WDR72: variants seen among roughly 807,000 people sequenced by gnomAD.
WDR72 encodes the protein WD repeat domain 72.
A neutral mutation model predicts 124.2 loss-of-function variants in WDR72; 120 were observed. That is an observed-to-expected ratio of 0.97 (90% CI 0.83 to 1.12). The LOEUF is 1.12. Among genes scored for constraint, WDR72 ranks in the 50% most tolerant of loss-of-function variants. The pLI, the probability that WDR72 is intolerant of heterozygous loss-of-function variation, is 0.00. For missense variants in WDR72, 1,387 were observed against 1,278.8 expected (o/e 1.08, Z -1.29); for synonymous variants, 452 against 441.7 (o/e 1.02, Z -0.29).
intron 1 of WDR72, among the ~76,000 whole-genome samples, chr15:53,733,826 A>G (rs1022780042): frequency 6.6e-6 from 1 of 152,226 alleles, no homozygotes; most frequent in Non-Finnish European, 1.5e-5. Flanking sequence ...AATGTTATCT[A>G]TGACCACCCA....
At chr15:53,751,260 C>T (rs1175967561) in intron 1 of WDR72, among the ~76,000 whole-genome samples, 3 of 151,164 alleles carry the variant, frequency 2.0e-5, no homozygotes, top group African/African-American at 7.3e-5. Flanking sequence ...AAAGCTTTCA[C>T]AAAAGGAAGA....
Position 53,706,346 on chromosome 15 carries a change from GTGTGTATATATATATATA to G in WDR72, c.955-290_955-273del, listed in dbSNP as rs1469273674. Among the ~76,000 whole-genome samples the G allele has an allele frequency of 4.2e-3, 416 of 98,050 alleles. 3 individuals are homozygous for G. The highest frequency in any genetic ancestry group is 0.013 in the African/African-American group (367 of 27,336). The allele number at this position is 98,050 out of a possible 152,430, so 64.3% of individuals were successfully genotyped here. ...GTTATATGTGCGTGTGTGTGTGTGT[GTGTGTATATATATATATA>G]TATATATATATATATATATATATAT... On this transcript the variant is annotated intron_variant, in intron 9 of 19. Coordinates refer to ENST00000360509, the MANE Select transcript of WDR72 (RefSeq NM_182758.4).
intron 14 of WDR72, among the ~76,000 whole-genome samples, chr15:53,622,975 A>G (rs906377128): frequency 6.6e-6 from 1 of 152,168 alleles, no homozygotes; most frequent in African/African-American, 2.4e-5. Context: ...TTAGGCATAT[A>G]AAGAACTCAC....
intron 1 of WDR72, among the ~76,000 whole-genome samples, chr15:53,743,930 G>A (rs959060460): frequency 3.3e-5 from 5 of 150,868 alleles, no homozygotes; most frequent in Non-Finnish European, 5.9e-5. Context: ...AGCTGAGATC[G>A]CGCCACTGCA....
At chr15:53,565,265 G>T (rs1894254400) in intron 18 of WDR72, among the ~76,000 whole-genome samples, 1 of 151,858 alleles carries the variant, frequency 6.6e-6, no homozygotes, top group Non-Finnish European at 1.5e-5. Context: ...AGTTTAAGAA[G>T]TTGAAAGGAA....
intron 13 of WDR72, among the ~76,000 whole-genome samples, chr15:53,687,246 C>T (rs546653075): frequency 7.4e-5 from 11 of 148,866 alleles, no homozygotes; most frequent in Admixed American, 2.0e-4. Context: ...ACACAAAAAA[C>T]CCTTCAAAAA....
intron 16 of WDR72, among the ~76,000 whole-genome samples, chr15:53,610,972 G>A (rs1389595047): frequency 1.3e-5 from 2 of 152,044 alleles, no homozygotes; most frequent in African/African-American, 2.4e-5. Flanking sequence ...TTAATGTGAT[G>A]TTAAAATTTT....
chr15:53,651,797 T>G (rs1389338032), intron 14 of WDR72, among the ~76,000 whole-genome samples: 2 of 151,968 alleles, frequency 1.3e-5, no homozygotes, highest in Non-Finnish European at 2.9e-5. Flanking sequence ...GGACTAAAGG[T>G]GCGCGACACC....
intron 14 of WDR72, among the ~76,000 whole-genome samples, chr15:53,639,429 A>T (rs1314261170): frequency 6.7e-6 from 1 of 148,588 alleles, no homozygotes; most frequent in Non-Finnish European, 1.5e-5. Flanking sequence ...CCTGGGCAAC[A>T]TAGCAAGACC....
chr15:53,635,789 C>T (rs2014601055), intron 14 of WDR72, among the ~76,000 whole-genome samples: 1 of 152,036 alleles, frequency 6.6e-6, no homozygotes, highest in African/African-American at 2.4e-5. Flanking sequence ...ACCTTAGCAT[C>T]ATGCAATATA....
Position 53,704,967 on chromosome 15 carries a change from G to A in WDR72, c.1348+21C>T, listed in dbSNP as rs200066980. 1,523 of 1,612,698 alleles carry A rather than the reference G, an allele frequency of 9.4e-4. 14 individuals carry two copies. The Middle Eastern group carries it at 0.013, about 14-fold the overall frequency. Reference sequence around the variant, plus strand: ...AGCTTTAGATAAATCAAATAAATAGGGTCAAATAAAATTCAAGGACCTTTT... The same window carrying A: ...AGCTTTAGATAAATCAAATAAATAGAGTCAAATAAAATTCAAGGACCTTTT... On this transcript the variant is annotated intron_variant, in intron 11 of 19. Transcript: ENST00000360509.
chr15:53,527,957 A>C (rs1892220208), intron 18 of WDR72, among the ~76,000 whole-genome samples: 1 of 152,150 alleles, frequency 6.6e-6, no homozygotes, highest in South Asian at 2.1e-4. Context: ...CTATAAAATA[A>C]ACTAAAAGAT....
At chr15:53,531,416 T>C (rs1409567734) in intron 18 of WDR72, among the ~76,000 whole-genome samples, 1 of 152,096 alleles carries the variant, frequency 6.6e-6, no homozygotes, top group African/African-American at 2.4e-5. Flanking sequence ...CACATCTCAA[T>C]GTAGGCACTC....
At chr15:53,720,269 T>C (rs2017839881) in intron 3 of WDR72, among the ~76,000 whole-genome samples, 1 of 152,184 alleles carries the variant, frequency 6.6e-6, no homozygotes, top group Non-Finnish European at 1.5e-5. Context: ...ATCAACATCT[T>C]TACCCACCTC....
Position 53,568,607 on chromosome 15 carries a change from G to A in WDR72, c.3148+28472C>T, listed in dbSNP as rs1362991109. On this transcript the variant is annotated intron_variant, in intron 18 of 19. Coordinates refer to ENST00000360509, the MANE Select transcript of WDR72 (RefSeq NM_182758.4). Reference sequence around the variant, plus strand: ...TGTCACTAAGGTGGTCACTATTGATGTCTTCCATGCTAAGAATTTATTTTT... The same window carrying A: ...TGTCACTAAGGTGGTCACTATTGATATCTTCCATGCTAAGAATTTATTTTT... Among the ~76,000 whole-genome samples, 3 of 151,982 alleles carry A rather than the reference G, an allele frequency of 2.0e-5. No individual in the cohort carries two copies. In the East Asian group the frequency reaches 5.8e-4, roughly 29 times the overall value.
intron 14 of WDR72, among the ~76,000 whole-genome samples, chr15:53,655,220 G>C (rs2015375329): frequency 1.1e-5 from 1 of 89,962 alleles, no homozygotes; most frequent in East Asian, 3.7e-4. Flanking sequence ...GACAGAGCAA[G>C]ATGCCATCTC....
intron 18 of WDR72, chr15:53,540,975 C>G (rs1286835066): frequency 6.3e-6 from 1 of 157,554 alleles, no homozygotes; most frequent in African/African-American, 2.4e-5. Flanking sequence ...TATCCCGCAC[C>G]TGGCTCGGAG....
At chr15:53,687,239 C>CA (rs1332733455) in intron 13 of WDR72, among the ~76,000 whole-genome samples, 1 of 145,348 alleles carries the variant, frequency 6.9e-6, no homozygotes, top group South Asian at 2.3e-4. Flanking sequence ...AATAGAGACA[C>CA]AAAAAACCCT....
chr15:53,635,026 A>G (rs1179649886), intron 14 of WDR72, among the ~76,000 whole-genome samples: 1 of 152,218 alleles, frequency 6.6e-6, no homozygotes, highest in Non-Finnish European at 1.5e-5. Flanking sequence ...GCAGGTATAG[A>G]AGCTCTGCTT....
Sources: gnomAD v4.1 joint callset for allele counts (sites outside exome capture counted in the v4.1 genomes callset) on GRCh38, gnomAD v4.1.1 for gene constraint, MANE v1.5 for transcripts, NCBI Gene and HGNC (gene_info 2026-07-23, HGNC 2026-07-21) for gene names.